The following SLC2A8 variants were observed in gnomAD, a reference collection of about 807,000 sequenced individuals.
The protein encoded by SLC2A8 is solute carrier family 2, facilitated glucose transporter member 8.
A neutral mutation model predicts 49.2 loss-of-function variants in SLC2A8; 53 were observed. That is an observed-to-expected ratio of 1.08 (90% CI 0.86 to 1.35). The LOEUF is 1.35. Ranked by LOEUF, SLC2A8 falls within the 40% of genes most tolerant of loss-of-function variation. The pLI is 0.00. For missense variants in SLC2A8, 688 were observed against 671.7 expected (o/e 1.02, Z -0.27); for synonymous variants, 299 against 297.0 (o/e 1.01, Z -0.07).
In SLC2A8 at chr9:127,399,143, G is replaced by A. The variant is rs759642797; in HGVS notation, c.427-764G>A. Among the ~76,000 whole-genome samples, 1 of 152,192 alleles carries A rather than the reference G, an allele frequency of 6.6e-6. No individual in the cohort carries two copies. Among genetic ancestry groups the A allele is most frequent in the African/African-American group, 2.4e-5 (1 of 41,424 alleles). ...CTAGTGGCAGCCACTGGTAGTGACC[G>A]AGGCAGAGAGTTCGTGCTTCTAGTC... On this transcript the variant is annotated intron_variant, in intron 3 of 9. Transcript: ENST00000373371. The surrounding 1 kb of genome is among the most constrained non-coding windows in gnomAD (Gnocchi z 4.2).
At chr9:127,406,694 C>A (rs1454349587) in intron 9 of SLC2A8, among the ~76,000 whole-genome samples, 1 of 152,212 alleles carries the variant, frequency 6.6e-6, no homozygotes. Context: ...GCTCGCTTTG[C>A]CCTGTCTCAC....
Position 127,403,773 on chromosome 9 carries a change from A to T in SLC2A8, c.837A>T (p.Ala279=). The change falls in exon 6 of 10, where the codon GCA becomes GCT. Residue 279 remains alanine (A), a synonymous_variant. Transcript: ENST00000373371. ...GGGTCAACGCCGTCATGTTCTATGC[A>T]GAGACCATCTTTGAAGAGGCCAAGT... The part of the protein sequence containing the change: ...LSGVNAVMFY[A]ETIFEEAKFK... 6.2e-7 allele frequency: 1 copy of T among 1,613,206 alleles called. No homozygotes were observed. The highest frequency in any genetic ancestry group is 1.1e-5 in the South Asian group (1 of 91,086).
Position 127,402,660 on chromosome 9 carries a change from G to T in SLC2A8, c.630G>T (p.Leu210=). 3 of 1,587,164 alleles carry T rather than the reference G, an allele frequency of 1.9e-6. No individual in the cohort carries two copies. Among genetic ancestry groups the T allele is most frequent in the Non-Finnish European group, 1.7e-6 (2 of 1,168,400 alleles). The change falls in exon 5 of 10, where the codon CTG becomes CTT. Residue 210 remains leucine (L), a synonymous_variant. Coordinates refer to ENST00000373371, the MANE Select transcript of SLC2A8 (RefSeq NM_014580.5). The part of the protein sequence containing the change: ...CFMPETPRFL[L]TQHRRQEAMA... Reference sequence around the variant, plus strand: ...TGCCCGAGACCCCGCGCTTCCTGCTGACTCAGCACAGGCGCCAGGAGGCCA... The same window carrying T: ...TGCCCGAGACCCCGCGCTTCCTGCTTACTCAGCACAGGCGCCAGGAGGCCA...
chr9:127,405,651 G>A (rs777648668), intron 9 of SLC2A8, 86 bp downstream of exon 9: 8 of 1,538,406 alleles, frequency 5.2e-6, no homozygotes, highest in Non-Finnish European at 7.0e-6. Flanking sequence ...AAGACCCAGG[G>A]TCGTGGCCTT....
intron 3 of SLC2A8, among the ~76,000 whole-genome samples, chr9:127,398,688 C>G (rs900264365): frequency 3.3e-5 from 5 of 152,246 alleles, no homozygotes; most frequent in African/African-American, 9.6e-5. Context: ...GGTTCTGCCA[C>G]TAACCTGAGC....
chr9:127,397,841 T>G (rs1589000379), intron 2 of SLC2A8, 64 bp from the exon 3 acceptor site: 3 of 1,366,164 alleles, frequency 2.2e-6, no homozygotes, highest in Non-Finnish European at 1.9e-6. Flanking sequence ...CCGCGGGGAG[T>G]GGGTGGAGGG....
At position 127,405,570 on chromosome 9, in the gene SLC2A8, G is replaced by A. The variant is rs796585310; in HGVS notation, c.1296+5G>A. ...AAGGAGTTCAGCAGCCTCATGGTGA[G>A]GGCAGGCTCCACCAGCACCGCGTTC... On this transcript the variant is annotated splice_donor_5th_base_variant and intron_variant, in intron 9 of 9. Coordinates refer to ENST00000373371, the MANE Select transcript of SLC2A8 (RefSeq NM_014580.5). The A allele has an allele frequency of 3.1e-6, 5 of 1,612,934 alleles. No individual in the cohort carries two copies. The South Asian group carries it at 3.3e-5, about 11-fold the overall frequency.
Position 127,405,382 on chromosome 9 carries a change from G to A in SLC2A8, c.1151-38G>A, listed in dbSNP as rs370705209. On this transcript the variant is annotated intron_variant, in intron 8 of 9. Coordinates refer to ENST00000373371, the MANE Select transcript of SLC2A8 (RefSeq NM_014580.5). Reference sequence around the variant, plus strand: ...AGCAAGCTGAGGAGCCCAGCCCTGCGGACCCTGATGCCTGTCTTGCCTGTC... The same window carrying A: ...AGCAAGCTGAGGAGCCCAGCCCTGCAGACCCTGATGCCTGTCTTGCCTGTC... 91 of 1,605,338 alleles carry A rather than the reference G, an allele frequency of 5.7e-5. 1 individual carries two copies. In the Middle Eastern group the frequency reaches 1.1e-3, roughly 20 times the overall value.
At chr9:127,404,250 T>C (rs1833407265) in intron 7 of SLC2A8, 183 bp downstream of exon 7, 4 of 558,552 alleles carry the variant, frequency 7.2e-6, no homozygotes, top group Non-Finnish European at 1.3e-5. Flanking sequence ...CCAGTGGCAC[T>C]CCCACACCAC....
At position 127,400,166 on chromosome 9, in the gene SLC2A8, C is replaced by CTTTTTTTTTTTTTTTTT. The variant is rs796202714; in HGVS notation, c.526+161_526+177dup. On this transcript the variant is annotated intron_variant, in intron 4 of 9. Coordinates refer to ENST00000373371, the MANE Select transcript of SLC2A8 (RefSeq NM_014580.5). ...TCCTGGGACCTTGGGATAGGTGAGT[C>CTTTTTTTTTTTTTTTTT]TTTTTTTTTTTTTTTTTGAGACAGA... 1.5e-3 allele frequency among the ~76,000 whole-genome samples: 170 copies of CTTTTTTTTTTTTTTTTT among 116,758 alleles called. 15 individuals carry two copies. Among genetic ancestry groups the CTTTTTTTTTTTTTTTTT allele is most frequent in the East Asian group, 3.5e-3 (12 of 3,468 alleles). 76.6% of individuals were successfully genotyped at this position (116,758 alleles called of 152,430 possible).
At chr9:127,403,854 C>A in intron 6 of SLC2A8, 51 bp downstream of exon 6, 1 of 1,603,494 alleles carries the variant, frequency 6.2e-7, no homozygotes, top group Non-Finnish European at 8.5e-7. Flanking sequence ...ATAGATGGAG[C>A]TTCCTCCCCA....
At position 127,407,522 on chromosome 9, in the gene SLC2A8, G is replaced by T; in HGVS notation, c.*273G>T. On this transcript the variant is annotated 3_prime_UTR_variant, in exon 10 of 10. Transcript: ENST00000373371. ...CTCCATGCGCAAGACTAAAGCAGCGGAAGAGGAGGTGGGCCTCTAGGATCT... is the reference window on the plus strand; with the variant it reads ...CTCCATGCGCAAGACTAAAGCAGCGTAAGAGGAGGTGGGCCTCTAGGATCT... 2 of 567,196 alleles carry T rather than the reference G, an allele frequency of 3.5e-6. No individual in the cohort carries two copies. The highest frequency in any genetic ancestry group is 3.1e-5 in the South Asian group (2 of 64,408). The allele number at this position is 567,196 out of a possible 1,614,324, so 35.1% of individuals were successfully genotyped here. A position where few individuals can be genotyped will look rare whatever the true frequency, so the allele number is the denominator to read the frequency against.
intron 9 of SLC2A8, among the ~76,000 whole-genome samples, chr9:127,406,372 C>A (rs12115375): frequency 6.6e-6 from 1 of 152,076 alleles, no homozygotes; most frequent in South Asian, 2.1e-4. Context: ...CAGGACTGCC[C>A]GGGGAGCACA....
intron 4 of SLC2A8, 99 bp downstream of exon 4, chr9:127,400,105 G>A: frequency 7.0e-6 from 7 of 1,002,920 alleles, no homozygotes; most frequent in South Asian, 5.6e-5. Context: ...CTTGTCTGAG[G>A]TCACATAGCC....
chr9:127,404,943 G>T lies in SLC2A8; in HGVS notation c.1102G>T (p.Val368Leu), dbSNP rs138943276. The T allele has an allele frequency of 2.7e-5, 44 of 1,611,380 alleles. No individual in the cohort carries two copies. The highest frequency in any genetic ancestry group is 3.5e-5 in the Non-Finnish European group (41 of 1,179,514). Residue 368 changes from valine to leucine, a missense_variant, in exon 8 of 10, where the codon GTG (valine) becomes TTG (leucine). Val to Leu is a conservative substitution (Grantham distance 32). Coordinates refer to ENST00000373371, the MANE Select transcript of SLC2A8 (RefSeq NM_014580.5). ...CTCTGCACAGCCTGTTGATGCCAGC[G>T]TGGGGCTGGCCTGGCTGGCCGTGGG... ...PVSAQPVDASVGLAWLAVGSM... is the reference protein window; with the variant it reads ...PVSAQPVDASLGLAWLAVGSM...
At chr9:127,405,394 C>G in intron 8 of SLC2A8, 26 bp from the exon 9 acceptor site, 3 of 1,610,140 alleles carry the variant, frequency 1.9e-6, no homozygotes, top group Non-Finnish European at 2.5e-6. Flanking sequence ...ACCCTGATGC[C>G]TGTCTTGCCT....
chr9:127,403,997 G>A lies in SLC2A8; in HGVS notation c.906G>A (p.Gln302=). The part of the protein sequence containing the change: ...SLASVVVGVI[Q]VLFTAVAALI... ...CCTCGGTCGTCGTGGGTGTCATCCA[G>A]GTGCTGTTCACAGCTGTGGCGGCTC... Residue 302 remains glutamine, a synonymous_variant, in exon 7 of 10, where the codon CAG becomes CAA. Coordinates refer to ENST00000373371, the MANE Select transcript of SLC2A8 (RefSeq NM_014580.5). 6.2e-7 allele frequency: 1 copy of A among 1,609,890 alleles called. No individual in the cohort carries two copies. Among genetic ancestry groups the A allele is most frequent in the Non-Finnish European group, 8.5e-7 (1 of 1,177,654 alleles).
At chr9:127,403,625 A>C in intron 5 of SLC2A8, 35 bp from the exon 6 acceptor site, 1 of 1,611,438 alleles carries the variant, frequency 6.2e-7, no homozygotes, top group South Asian at 1.1e-5. Flanking sequence ...GGGAGGGGAG[A>C]GAGAAATCCT....
In SLC2A8 at chr9:127,397,296, G is replaced by C; in HGVS notation, c.56+10G>C. The C allele has an allele frequency of 7.2e-7, 1 of 1,385,282 alleles. No individual in the cohort carries two copies. Among genetic ancestry groups the C allele is most frequent in the Non-Finnish European group, 9.3e-7 (1 of 1,080,018 alleles). 85.8% of individuals were successfully genotyped at this position (1,385,282 alleles called of 1,614,324 possible). On this transcript the variant is annotated intron_variant, in intron 1 of 9. Transcript: ENST00000373371. Reference sequence around the variant, plus strand: ...GGCCTCCTGGCGGCAGGTGAGCTCCGGGGAACCCGGGCCCGGATGCGGCCT... The same window carrying C: ...GGCCTCCTGGCGGCAGGTGAGCTCCCGGGAACCCGGGCCCGGATGCGGCCT...
Sources: gnomAD v4.1 joint callset for allele counts (sites outside exome capture counted in the v4.1 genomes callset) on GRCh38, gnomAD v4.1.1 for gene constraint, Gnocchi (gnomAD v3.1) non-coding constraint, MANE v1.5 for transcripts, NCBI Gene and HGNC (gene_info 2026-07-23, HGNC 2026-07-21) for gene names.